The following SLC25A13 variants were observed in gnomAD, a reference collection of about 807,000 sequenced individuals.
SLC25A13 encodes electrogenic aspartate/glutamate antiporter SLC25A13, mitochondrial.
A neutral mutation model predicts 85.5 loss-of-function variants in SLC25A13; 70 were observed. The observed-to-expected ratio is 0.82, with a 90% CI of 0.68 to 1.00. The LOEUF is 1.00. SLC25A13 is among the 50% of genes least tolerant of loss of function. The pLI, the probability that SLC25A13 is intolerant of heterozygous loss-of-function variation, is 0.00. For synonymous variants in SLC25A13, 259 were observed against 288.7 expected, an observed-to-expected ratio of 0.90 and a Z score of 1.04; for missense variants, 765 against 819.8, an observed-to-expected ratio of 0.93 and a Z score of 0.82.
At chr7:96,300,410 A>T (rs1799507135) in intron 1 of SLC25A13, among the ~76,000 whole-genome samples, 1 of 152,202 alleles carries the variant, frequency 6.6e-6, no homozygotes. Flanking sequence ...GTAATATGAG[A>T]TAATTACACA....
At chr7:96,305,049 G>C (rs1799693220) in intron 1 of SLC25A13, among the ~76,000 whole-genome samples, 1 of 152,140 alleles carries the variant, frequency 6.6e-6, no homozygotes, top group Non-Finnish European at 1.5e-5. Flanking sequence ...CTCTATGCCA[G>C]GCATTATGCT....
intron 3 of SLC25A13, among the ~76,000 whole-genome samples, chr7:96,268,778 C>T (rs1016946556): frequency 2.0e-5 from 3 of 152,290 alleles, no homozygotes; most frequent in African/African-American, 7.2e-5. Flanking sequence ...AGTCTGGGCA[C>T]AGCCCACCTC....
At chr7:96,313,819 T>C (rs2375057) in intron 1 of SLC25A13, among the ~76,000 whole-genome samples, 96,790 of 152,022 alleles carry the variant, frequency 0.64, 31,179 homozygotes, top group Non-Finnish European at 0.67. Flanking sequence ...TAAGACCCTT[T>C]GTTAGATTCA....
At chr7:96,258,330 G>C (rs878966792) in intron 3 of SLC25A13, among the ~76,000 whole-genome samples, 1 of 152,264 alleles carries the variant, frequency 6.6e-6, no homozygotes, top group South Asian at 2.1e-4. Flanking sequence ...CATCGTCTCA[G>C]CCCAAAACCT....
At chr7:96,282,620 T>C (rs1288628596) in intron 2 of SLC25A13, among the ~76,000 whole-genome samples, 4 of 152,220 alleles carry the variant, frequency 2.6e-5, no homozygotes, top group Non-Finnish European at 5.9e-5. Context: ...TATGACTGTG[T>C]AGGAGATTGT....
chr7:96,228,452 C>T (rs1028812732), intron 4 of SLC25A13, among the ~76,000 whole-genome samples: 1 of 152,216 alleles, frequency 6.6e-6, no homozygotes, highest in African/African-American at 2.4e-5. Context: ...TGAGATATCA[C>T]TAAAATAAAA....
At chr7:96,267,719 CAGG>C (rs1425678187) in intron 3 of SLC25A13, among the ~76,000 whole-genome samples, 3 of 149,096 alleles carry the variant, frequency 2.0e-5, no homozygotes, top group African/African-American at 7.4e-5. Context: ...GAGGCTGAAG[CAGG>C]AGAATTGCTT....
chr7:96,313,687 A>C (rs1405595236), intron 1 of SLC25A13, among the ~76,000 whole-genome samples: 1 of 152,182 alleles, frequency 6.6e-6, no homozygotes, highest in Non-Finnish European at 1.5e-5. Context: ...GATGGGGTCA[A>C]CTGTACCCCA....
In SLC25A13 at chr7:96,120,423, AAG is replaced by A. The variant is rs1173328727; in HGVS notation, c.*766_*767del. 2.2e-6 allele frequency: 1 copy of A among 454,316 alleles called. No individual in the cohort carries two copies. The highest frequency in any genetic ancestry group is 4.4e-6 in the Non-Finnish European group (1 of 226,802). 28.1% of individuals were successfully genotyped at this position (454,316 alleles called of 1,614,324 possible). On this transcript the variant is annotated 3_prime_UTR_variant, in exon 18 of 18. Coordinates refer to ENST00000265631, the MANE Select transcript of SLC25A13 (RefSeq NM_014251.3). ...AGCAACAGGGCAACATGCATTTTTC[AAG>A]AGTGTTTATTAAAATAGGCAGTAAT...
chr7:96,174,946 G>A (rs1396688542), intron 11 of SLC25A13, among the ~76,000 whole-genome samples: 1 of 152,222 alleles, frequency 6.6e-6, no homozygotes, highest in Non-Finnish European at 1.5e-5. Context: ...GGTACTGAGA[G>A]GAACTGGGAT....
rs184204113 is a variant in SLC25A13 at position 96,208,815 on chromosome 7, A to G, written c.468+23T>C. ...CCACCGTGCCCGGCCATACCCTTTTAACTTTTTAAGAGCTAGACCCACCAA... is the reference window on the plus strand; with the variant it reads ...CCACCGTGCCCGGCCATACCCTTTTGACTTTTTAAGAGCTAGACCCACCAA... On this transcript the variant is annotated intron_variant, in intron 5 of 17. Coordinates refer to ENST00000265631, the MANE Select transcript of SLC25A13 (RefSeq NM_014251.3). 2.5e-5 allele frequency: 41 copies of G among 1,613,510 alleles called. No homozygotes were observed. The African/African-American group carries it at 4.3e-4, about 17-fold the overall frequency.
chr7:96,264,275 T>A (rs1347444690), intron 3 of SLC25A13, among the ~76,000 whole-genome samples: 1 of 152,188 alleles, frequency 6.6e-6, no homozygotes, highest in African/African-American at 2.4e-5. Flanking sequence ...AGCACTCAAG[T>A]GGGTCCTGCC....
chr7:96,269,381 C>G (rs1399149450), intron 3 of SLC25A13, among the ~76,000 whole-genome samples: 1 of 152,210 alleles, frequency 6.6e-6, no homozygotes, highest in Non-Finnish European at 1.5e-5. Flanking sequence ...TCCATCCCAG[C>G]CCACACATAG....
At chr7:96,208,662 C>A (rs1053395182) in intron 5 of SLC25A13, among the ~76,000 whole-genome samples, 176 bp downstream of exon 5, 3 of 152,026 alleles carry the variant, frequency 2.0e-5, no homozygotes, top group Non-Finnish European at 2.9e-5. Context: ...CCGGCCACCA[C>A]GCCTGGCTAA....
intron 3 of SLC25A13, among the ~76,000 whole-genome samples, chr7:96,253,814 C>T (rs1273064944): frequency 2.0e-5 from 3 of 152,090 alleles, no homozygotes; most frequent in African/African-American, 7.2e-5. Flanking sequence ...GGGAAAAGAT[C>T]CTGATGAGCC....
intron 3 of SLC25A13, among the ~76,000 whole-genome samples, chr7:96,250,759 C>T (rs948207526): frequency 5.8e-5 from 4 of 69,216 alleles, no homozygotes; most frequent in South Asian, 3.5e-4. Flanking sequence ...AAAAGAGGCT[C>T]CATAAAATAT....
At position 96,321,934 on chromosome 7, in the gene SLC25A13, G is replaced by T; in HGVS notation, c.15+8C>A. 1 of 1,536,024 alleles carries T rather than the reference G, an allele frequency of 6.5e-7. No individual in the cohort carries two copies. The highest frequency in any genetic ancestry group is 1.2e-5 in the South Asian group (1 of 82,340). ...GCGCGCTCCCCCCGGCCTCGGGCCC[G>T]CGGTTACCTTGGCGGCCGCCATGAT... On this transcript the variant is annotated splice_region_variant and intron_variant, in intron 1 of 17. Coordinates refer to ENST00000265631, the MANE Select transcript of SLC25A13 (RefSeq NM_014251.3).
At chr7:96,287,877 C>T (rs191357514) in intron 2 of SLC25A13, among the ~76,000 whole-genome samples, 7 of 152,338 alleles carry the variant, frequency 4.6e-5, no homozygotes, top group Admixed American at 1.3e-4. Flanking sequence ...AGCTACTTTC[C>T]ATTTTGATAG....
chr7:96,185,328 T>C (rs1230566957), intron 9 of SLC25A13, among the ~76,000 whole-genome samples: 1 of 152,060 alleles, frequency 6.6e-6, no homozygotes, highest in African/African-American at 2.4e-5. Flanking sequence ...CCAGGCACGG[T>C]GGCTCACGCC....
Sources: allele counts gnomAD v4.1 joint callset (sites outside exome capture counted in the v4.1 genomes callset), GRCh38; gene constraint gnomAD v4.1.1; transcripts MANE v1.5; gene names NCBI Gene and HGNC (gene_info 2026-07-23, HGNC 2026-07-21).